SVOP: variants seen among roughly 807,000 people sequenced by gnomAD.
The protein encoded by SVOP is synaptic vesicle 2-related protein.
In SVOP, 17 loss-of-function variants were observed where a neutral mutation model predicts 69.1. The observed-to-expected ratio is 0.25, with a 90% CI of 0.17 to 0.37. The LOEUF (loss-of-function observed/expected upper bound fraction) is 0.37. Among genes scored for constraint, SVOP ranks in the 10% least tolerant of loss-of-function variants. SVOP has a pLI of 1.00. For missense variants in SVOP, 435 were observed against 597.5 expected, an observed-to-expected ratio of 0.73 and a Z score of 2.84; for synonymous variants, 238 against 238.6, an observed-to-expected ratio of 1.00 and a Z score of 0.02.
At chr12:108,981,632 A>G (rs1186367449) in intron 2 of SVOP, among the ~76,000 whole-genome samples, 2 of 152,174 alleles carry the variant, frequency 1.3e-5, no homozygotes, top group Non-Finnish European at 2.9e-5. Flanking sequence ...CCTCAGCAAG[A>G]TACTTAACCC....
chr12:108,918,727 C>A (rs971746520), intron 13 of SVOP, among the ~76,000 whole-genome samples: 2 of 152,110 alleles, frequency 1.3e-5, no homozygotes, highest in Non-Finnish European at 2.9e-5. Context: ...AACGGGATTA[C>A]AAAACGATCT....
rs1269347657 is a variant in SVOP, at chr12:108,908,143, C to A, written c.*4392G>T. The A allele has an allele frequency of 6.6e-6, 1 of 152,164 alleles. No homozygotes were observed. The highest frequency in any genetic ancestry group is 2.4e-5 in the African/African-American group (1 of 41,424). The allele number at this position is 152,164 out of a possible 1,614,324, so 9.4% of individuals were successfully genotyped here. On this transcript the variant is annotated 3_prime_UTR_variant, in exon 16 of 16. Coordinates refer to ENST00000610966, the MANE Select transcript of SVOP (RefSeq NM_018711.5). ...GTTATGAGGCTATGGAAGCTCTGTG[C>A]ATGATTATGCATACACAGCAGCCAC...
chr12:108,988,973 A>G (rs2137442980), intron 1 of SVOP, among the ~76,000 whole-genome samples: 1 of 151,704 alleles, frequency 6.6e-6, no homozygotes, highest in East Asian at 1.9e-4. Flanking sequence ...GGGTTTCACC[A>G]TATTGGCCAG....
chr12:109,015,305 G>A (rs912959951), intron 1 of SVOP, among the ~76,000 whole-genome samples: 1 of 152,154 alleles, frequency 6.6e-6, no homozygotes, highest in African/African-American at 2.4e-5. Flanking sequence ...AGCCAAGGAA[G>A]GACATGATCT....
At chr12:108,916,864 C>G (rs1287966525) in intron 14 of SVOP, among the ~76,000 whole-genome samples, 1 of 152,184 alleles carries the variant, frequency 6.6e-6, no homozygotes, top group Non-Finnish European at 1.5e-5. Context: ...CCACCTCAGC[C>G]CCACCCCGAG....
chr12:108,975,442 C>A (rs1459794048), intron 4 of SVOP, among the ~76,000 whole-genome samples: 4 of 152,192 alleles, frequency 2.6e-5, no homozygotes, highest in African/African-American at 7.2e-5. Context: ...GCCTGCCAGG[C>A]CTGGCTTTCA....
intron 1 of SVOP, among the ~76,000 whole-genome samples, chr12:109,004,731 TC>T (rs773531100): frequency 6.6e-6 from 1 of 151,210 alleles, no homozygotes; most frequent in African/African-American, 2.4e-5. Context: ...TCATTTCATT[TC>T]ATTTCATTTC....
At chr12:108,987,352 T>C (rs985019910) in intron 1 of SVOP, among the ~76,000 whole-genome samples, 1 of 152,246 alleles carries the variant, frequency 6.6e-6, no homozygotes, top group Non-Finnish European at 1.5e-5. Context: ...CATCTGTTGA[T>C]GGACAGGTTG....
chr12:108,975,843 AG>A (rs1157026329), intron 4 of SVOP, among the ~76,000 whole-genome samples: 1 of 151,754 alleles, frequency 6.6e-6, no homozygotes, highest in Non-Finnish European at 1.5e-5. Flanking sequence ...CTAGGATTAC[AG>A]GACGCGCCAC....
intron 6 of SVOP, among the ~76,000 whole-genome samples, chr12:108,958,918 G>A (rs1223143332): frequency 6.6e-6 from 1 of 151,958 alleles, no homozygotes; most frequent in Non-Finnish European, 1.5e-5. Context: ...CTGTGGCAAT[G>A]GTATGGCAAC....
chr12:108,988,455 T>C (rs2040178671), intron 1 of SVOP, among the ~76,000 whole-genome samples: 1 of 152,180 alleles, frequency 6.6e-6, no homozygotes, highest in Admixed American at 6.5e-5. Flanking sequence ...CATCCAATGT[T>C]CCTAATACCA....
chr12:108,979,078 C>T (rs978821334), intron 2 of SVOP, among the ~76,000 whole-genome samples: 2 of 90,034 alleles, frequency 2.2e-5, no homozygotes, highest in African/African-American at 3.6e-5. Context: ...TGGAAATGTA[C>T]GCATGTGGGT....
chr12:109,016,706 T>A (rs574630620), intron 1 of SVOP, among the ~76,000 whole-genome samples: 1 of 151,690 alleles, frequency 6.6e-6, no homozygotes, highest in South Asian at 2.1e-4. Context: ...CCACCTCCCA[T>A]CTAAAACTAG....
chr12:108,935,790 T>C (rs2039852810), intron 10 of SVOP, among the ~76,000 whole-genome samples: 1 of 152,188 alleles, frequency 6.6e-6, no homozygotes, highest in African/African-American at 2.4e-5. Flanking sequence ...CTCCAATTCA[T>C]TGTGGAGTTT....
intron 1 of SVOP, among the ~76,000 whole-genome samples, chr12:109,000,980 G>T (rs1293034487): frequency 6.6e-6 from 1 of 151,474 alleles, no homozygotes; most frequent in Non-Finnish European, 1.5e-5. Context: ...GGCTGGAGAA[G>T]GAAATAAAGG....
intron 1 of SVOP, among the ~76,000 whole-genome samples, chr12:109,010,060 G>C (rs2040331966): frequency 6.7e-6 from 1 of 150,142 alleles, no homozygotes; most frequent in Non-Finnish European, 1.5e-5. Context: ...GAGTTTGAAG[G>C]CTGCAGTGAG....
chr12:108,965,957 C>T (rs927994377), intron 5 of SVOP, among the ~76,000 whole-genome samples: 11 of 149,934 alleles, frequency 7.3e-5, no homozygotes, highest in African/African-American at 2.5e-4. Flanking sequence ...CTTCTTTCCT[C>T]CCTCCCTCCA....
intron 6 of SVOP, among the ~76,000 whole-genome samples, chr12:108,948,172 G>T (rs1201840741): frequency 6.6e-6 from 1 of 152,192 alleles, no homozygotes; most frequent in Non-Finnish European, 1.5e-5. Flanking sequence ...TTAGCTCCCT[G>T]TGTGCTCAGG....
rs373090263 is a variant in SVOP, at chr12:108,961,427, CTTT to C, written c.454-383_454-381del. ...TTTGCTCTGTTTCACACATTCAAGACTTTTTTTTTTTTTTTTTTGGCATAGTGT... is the reference window on the plus strand; with the variant it reads ...TTTGCTCTGTTTCACACATTCAAGACTTTTTTTTTTTTTTTGGCATAGTGT... On this transcript the variant is annotated intron_variant, in intron 5 of 15. Transcript: ENST00000610966. Among the ~76,000 whole-genome samples the C allele has an allele frequency of 5.0e-3, 666 of 133,248 alleles. 3 individuals are homozygous for C. Among genetic ancestry groups the C allele is most frequent in the Middle Eastern group, 0.012 (3 of 254 alleles). The allele number at this position is 133,248 out of a possible 152,430, so 87.4% of individuals were successfully genotyped here.
Sources: gnomAD v4.1 joint callset for allele counts (sites outside exome capture counted in the v4.1 genomes callset) on GRCh38, gnomAD v4.1.1 for gene constraint, MANE v1.5 for transcripts, NCBI Gene and HGNC (gene_info 2026-07-23, HGNC 2026-07-21) for gene names.